Variants in ABCC9 observed in about 807,000 individuals in gnomAD.
ABCC9 encodes ATP-binding cassette sub-family C member 9.
Under a neutral mutation model 188.3 loss-of-function variants are expected in ABCC9, and 95 were observed. The observed-to-expected ratio is 0.50, with a 90% CI of 0.43 to 0.60. The LOEUF (loss-of-function observed/expected upper bound fraction) is 0.60, where lower values mean the gene tolerates loss of function less well. Ranked by LOEUF, ABCC9 falls within the 20% of genes least tolerant of loss-of-function variation. ABCC9 has a pLI of 0.00. For synonymous variants in ABCC9, 659 were observed against 652.7 expected, an observed-to-expected ratio of 1.01 and a Z score of -0.15; for missense variants, 1,102 against 1,876.3, an observed-to-expected ratio of 0.59 and a Z score of 7.62.
At chr12:21,904,520 A>G (rs1947935302) in intron 12 of ABCC9, among the ~76,000 whole-genome samples, 1 of 152,206 alleles carries the variant, frequency 6.6e-6, no homozygotes, top group Admixed American at 6.5e-5. Context: ...AATTTTTGCA[A>G]TCTACTCATC....
At chr12:21,886,709 C>G (rs1425756959) in intron 15 of ABCC9, among the ~76,000 whole-genome samples, 4 of 151,988 alleles carry the variant, frequency 2.6e-5, no homozygotes, top group African/African-American at 9.7e-5. Context: ...CTTACGAGGG[C>G]CCTCAATCAT....
intron 12 of ABCC9, among the ~76,000 whole-genome samples, chr12:21,904,406 A>G (rs1057334211): frequency 2.6e-5 from 4 of 152,358 alleles, no homozygotes; most frequent in African/African-American, 7.2e-5. Flanking sequence ...AGCAATGGCA[A>G]CAAAAGCCAA....
chr12:21,911,984 T>G (rs756938715), intron 8 of ABCC9, among the ~76,000 whole-genome samples: 2 of 151,952 alleles, frequency 1.3e-5, no homozygotes, highest in Non-Finnish European at 2.9e-5. Context: ...GCTTACAACC[T>G]AGGAAGATAA....
intron 14 of ABCC9, among the ~76,000 whole-genome samples, chr12:21,890,256 G>A (rs916462555): frequency 5.3e-5 from 8 of 152,044 alleles, no homozygotes; most frequent in African/African-American, 1.7e-4. Context: ...GTAATGACCC[G>A]CTTCTTAAAG....
rs774354254 is a variant in ABCC9 at position 21,848,131 on chromosome 12, TAAAAG to T, written c.2866+14_2866+18del. 3 of 1,607,630 alleles carry T rather than the reference TAAAAG, an allele frequency of 1.9e-6. No homozygotes were observed. The highest frequency in any genetic ancestry group is 2.6e-6 in the Non-Finnish European group (3 of 1,174,430). On this transcript the variant is annotated intron_variant, in intron 25 of 39. Transcript: ENST00000261200. ...TGTTATCCCATTAGAATGTTCCAGA[TAAAAG>T]AAAAAAGATCTACCTTCGTCTTCGT...
At chr12:21,818,100 A>G (rs1403896718) in intron 32 of ABCC9, 50 bp downstream of exon 32, 2 of 1,328,338 alleles carry the variant, frequency 1.5e-6, no homozygotes, top group Admixed American at 1.7e-5. Context: ...ATGAGTGAGA[A>G]CATGCGGTGT....
intron 5 of ABCC9, among the ~76,000 whole-genome samples, chr12:21,922,490 A>G: frequency 6.6e-6 from 1 of 152,024 alleles, no homozygotes; most frequent in Admixed American, 6.6e-5. Flanking sequence ...CACATAATGG[A>G]AGAAACAATT....
chr12:21,916,277 C>T (rs938589920), intron 6 of ABCC9, among the ~76,000 whole-genome samples: 1 of 152,140 alleles, frequency 6.6e-6, no homozygotes, highest in African/African-American at 2.4e-5. Context: ...TATTGAGTCT[C>T]TTGATCTATG....
At chr12:21,869,032 A>C (rs1232920396) in intron 18 of ABCC9, among the ~76,000 whole-genome samples, 1 of 152,184 alleles carries the variant, frequency 6.6e-6, no homozygotes, top group African/African-American at 2.4e-5. Context: ...AATTCTTTTA[A>C]TTAAATAAAA....
chr12:21,818,526 ATGTGTGTGTGTGTG>A (rs71053348), intron 31 of ABCC9, among the ~76,000 whole-genome samples: 243 of 136,446 alleles, frequency 1.8e-3, no homozygotes, highest in Admixed American at 5.8e-3. Flanking sequence ...ATATATATAT[ATGTGTGTGTGTGTG>A]TGTGTGTGTG....
intron 5 of ABCC9, among the ~76,000 whole-genome samples, chr12:21,920,173 C>T (rs545130179): frequency 6.6e-6 from 1 of 151,944 alleles, no homozygotes; most frequent in African/African-American, 2.4e-5. Context: ...CCCCTAAAAT[C>T]AGGAACCAGA....
chr12:21,894,699 T>G (rs1947318979), intron 13 of ABCC9, among the ~76,000 whole-genome samples: 1 of 151,862 alleles, frequency 6.6e-6, no homozygotes, highest in African/African-American at 2.4e-5. Context: ...AGCCTCGACC[T>G]CCCCAGGCTC....
At chr12:21,823,717 A>ATTG (rs1943187595) in intron 31 of ABCC9, among the ~76,000 whole-genome samples, 1 of 152,342 alleles carries the variant, frequency 6.6e-6, no homozygotes, top group Middle Eastern at 3.4e-3. Context: ...AAGAACTGGA[A>ATTG]TTGTTTAGTC....
intron 31 of ABCC9, among the ~76,000 whole-genome samples, chr12:21,820,563 G>A (rs976133156): frequency 2.6e-5 from 4 of 151,650 alleles, no homozygotes; most frequent in African/African-American, 4.8e-5. Context: ...GCCTTATCCA[G>A]ACTATATGTC....
intron 35 of ABCC9, among the ~76,000 whole-genome samples, chr12:21,812,860 T>C (rs1591953320): frequency 6.6e-6 from 1 of 152,088 alleles, no homozygotes; most frequent in Non-Finnish European, 1.5e-5. Flanking sequence ...AAAAAAAATC[T>C]TGTGTCTCTA....
chr12:21,841,695 GA>G (rs1330515458), intron 29 of ABCC9, among the ~76,000 whole-genome samples: 2 of 151,870 alleles, frequency 1.3e-5, no homozygotes, highest in African/African-American at 4.8e-5. Flanking sequence ...GTCATGTTCA[GA>G]AAAAGGACCA....
At chr12:21,911,528 T>G (rs942932031) in intron 8 of ABCC9, among the ~76,000 whole-genome samples, 3 of 152,010 alleles carry the variant, frequency 2.0e-5, no homozygotes, top group East Asian at 3.8e-4. Flanking sequence ...AATTTTGTTT[T>G]AGTAGGAATA....
At chr12:21,850,860 T>C (rs891059594) in intron 24 of ABCC9, among the ~76,000 whole-genome samples, 2 of 152,094 alleles carry the variant, frequency 1.3e-5, no homozygotes, top group Non-Finnish European at 2.9e-5. Flanking sequence ...CTGATACTGT[T>C]TTGGGGTTTG....
Position 21,894,124 on chromosome 12 carries a change from C to T in ABCC9, c.1710G>A (p.Glu570=), listed in dbSNP as rs1353884017. 1.2e-6 allele frequency: 2 copies of T among 1,613,892 alleles called. No individual in the cohort carries two copies. Among genetic ancestry groups the T allele is most frequent in the African/African-American group, 2.7e-5 (2 of 74,886 alleles). ...GGAAGAGAGACAGTGAAGCAAAGGC[C>T]TCTGCAGGTTTCAGATTGTTTCCAC... ...YASGNNLKPA[E]AFASLSLFHI... is the part of the protein sequence containing the mutation. Residue 570 remains glutamate, a synonymous_variant, in exon 14 of 40, where the codon GAG becomes GAA. Coordinates refer to ENST00000261200, the MANE Select transcript of ABCC9 (RefSeq NM_020297.4).
Sources: gnomAD v4.1 joint callset for allele counts (sites outside exome capture counted in the v4.1 genomes callset) on GRCh38, gnomAD v4.1.1 for gene constraint, MANE v1.5 for transcripts, NCBI Gene and HGNC (gene_info 2026-07-23, HGNC 2026-07-21) for gene names.